Variants in KCNA6 observed in about 807,000 individuals in gnomAD.
KCNA6 encodes the protein human brain potassium channel-2.
KCNA6 carries 17 observed loss-of-function variants against 29.5 expected under a neutral mutation model. That is an observed-to-expected ratio of 0.58 (90% CI 0.39 to 0.86). The LOEUF is 0.86. KCNA6 is among the 40% of genes least tolerant of loss of function. KCNA6 has a pLI of 0.00. For synonymous variants in KCNA6, 296 were observed against 304.7 expected, an observed-to-expected ratio of 0.97 and a Z score of 0.30; for missense variants, 450 against 703.4, an observed-to-expected ratio of 0.64 and a Z score of 4.07.
chr12:4,816,780 TCC>T (rs1483271083), downstream of KCNA6, among the ~76,000 whole-genome samples: 1 of 152,190 alleles, frequency 6.6e-6, no homozygotes, highest in Admixed American at 6.5e-5. Context: ...CTTTGGTGCT[TCC>T]GGTAAACAAA....
chr12:4,810,625 C>T lies in KCNA6; in HGVS notation c.584C>T (p.Thr195Ile). The T allele has an allele frequency of 6.2e-7, 1 of 1,614,170 alleles. No homozygotes were observed. The highest frequency in any genetic ancestry group is 1.1e-5 in the South Asian group (1 of 91,068). ...TCCATAGTCATCTTTTGCCTGGAGA[C>T]CTTACCCCAGTTCCGTGTAGATGGT... is the stretch of plus-strand genomic sequence containing the variant. Residue 195 changes from threonine to isoleucine, a missense_variant, in exon 1 of 1, where the codon ACC (threonine) becomes ATC (isoleucine). By Grantham distance (89) the Thr-to-Ile change is moderately conservative. This residue lies in a region of KCNA6 where 133 missense variants were observed against 217.5 expected (regional missense o/e 0.61). Coordinates refer to ENST00000280684, the Ensembl canonical transcript of KCNA6. This position sits in a 1 kb window ranked among gnomAD's most constrained non-coding sequence, Gnocchi z 7.5.
chr12:4,827,221 CT>C, the KCNA6 span, among the ~76,000 whole-genome samples: 273 of 89,760 alleles, frequency 3.0e-3, no homozygotes, highest in African/African-American at 0.01. Context: ...TCCTTCCTTC[CT>C]TCCTTCCTCC....
the KCNA6 span, among the ~76,000 whole-genome samples, chr12:4,825,294 T>C: frequency 6.6e-6 from 1 of 152,210 alleles, no homozygotes; most frequent in Non-Finnish European, 1.5e-5. Flanking sequence ...AGGCACTATG[T>C]TTCAGAAATG....
At chr12:4,828,408 G>T in the KCNA6 span, among the ~76,000 whole-genome samples, 1 of 152,196 alleles carries the variant, frequency 6.6e-6, no homozygotes, top group Non-Finnish European at 1.5e-5. Flanking sequence ...TGGACGTTCA[G>T]GTTGCTTCTA....
the KCNA6 span, among the ~76,000 whole-genome samples, chr12:4,829,464 C>G: frequency 6.6e-6 from 1 of 152,248 alleles, no homozygotes; most frequent in Non-Finnish European, 1.5e-5. Flanking sequence ...TGCCAGGACC[C>G]CTTGAAATTT....
chr12:4,846,986 G>A, the KCNA6 span, among the ~76,000 whole-genome samples: 22 of 149,882 alleles, frequency 1.5e-4, no homozygotes, highest in East Asian at 1.2e-3. Flanking sequence ...GGGTTTCATC[G>A]TGTTAGCCAG....
the KCNA6 span, among the ~76,000 whole-genome samples, chr12:4,845,395 G>A: frequency 6.6e-6 from 1 of 152,308 alleles, no homozygotes; most frequent in African/African-American, 2.4e-5. Flanking sequence ...CTTGCTGCAA[G>A]AAGTCAACGC....
chr12:4,827,518 C>T, the KCNA6 span, among the ~76,000 whole-genome samples: 2 of 152,176 alleles, frequency 1.3e-5, no homozygotes, highest in African/African-American at 4.8e-5. Flanking sequence ...TCAGATTCCA[C>T]ACTAGAGGAA....
In KCNA6 at chr12:4,810,720, G is replaced by T; in HGVS notation, c.679G>T (p.Asp227Tyr). 2 of 1,613,366 alleles carry T rather than the reference G, an allele frequency of 1.2e-6. No individual in the cohort carries two copies. Among genetic ancestry groups the T allele is most frequent in the Non-Finnish European group, 1.7e-6 (2 of 1,179,572 alleles). Residue 227 changes from aspartate to tyrosine, a missense_variant, in exon 1 of 1, where the codon GAT becomes TAT. By Grantham distance (160) the Asp-to-Tyr change is radical (BLOSUM62 -3). Transcript: ENST00000280684. This position sits in a 1 kb window ranked among gnomAD's most constrained non-coding sequence, Gnocchi z 7.5. ...CAGGGGGAGTCAGGAGGAAGAGGAG[G>T]ATGAAGACGATTCCTACACATTTCA... is the stretch of plus-strand genomic sequence containing the variant.
chr12:4,811,742 C>G lies in KCNA6; in HGVS notation c.*111C>G. 1 of 1,257,064 alleles carries G rather than the reference C, an allele frequency of 8.0e-7. No individual in the cohort carries two copies. The highest frequency in any genetic ancestry group is 2.3e-5 in the East Asian group (1 of 42,638). 77.9% of individuals were successfully genotyped at this position (1,257,064 alleles called of 1,614,324 possible). A position where few individuals can be genotyped will look rare whatever the true frequency, so the allele number is the denominator to read the frequency against. ...TCAGTTGACTTCTTGACTCTCTCCC[C>G]TACACCCACTACCTGGCATCCAGGA... On this transcript the variant is annotated 3_prime_UTR_variant, in exon 1 of 1. Coordinates refer to ENST00000280684, the Ensembl canonical transcript of KCNA6. This position sits in a 1 kb window ranked among gnomAD's most constrained non-coding sequence, Gnocchi z 7.1.
rs769362242 is a variant in KCNA6, at chr12:4,811,181, C to A, written c.1140C>A (p.Ile380=). 2 of 1,614,136 alleles carry A rather than the reference C, an allele frequency of 1.2e-6. No homozygotes were observed. The highest frequency in any genetic ancestry group is 2.2e-5 in the South Asian group (2 of 91,090). ...CCATGAGGGAGCTGGGGCTGCTCAT[C>A]TTCTTCCTCTTCATCGGGGTCATCC... Residue 380 remains isoleucine (I), a synonymous_variant, in exon 1 of 1, where the codon ATC becomes ATA. Transcript: ENST00000280684. This position sits in a 1 kb window ranked among gnomAD's most constrained non-coding sequence, Gnocchi z 7.1.
chr12:4,822,174 C>T, the KCNA6 span, among the ~76,000 whole-genome samples: 1 of 152,040 alleles, frequency 6.6e-6, no homozygotes, highest in Admixed American at 6.6e-5. Flanking sequence ...CATGTTTTTT[C>T]ATAGGTGGGA....
Position 4,811,547 on chromosome 12 carries a change from C to G in KCNA6, c.1506C>G (p.Pro502=). ...ACGGACTTGGCAAGCCTGACTTCCCCGAGGCTAACCGGGAACGGAGACCCA... is the reference window on the plus strand; with the variant it reads ...ACGGACTTGGCAAGCCTGACTTCCCGGAGGCTAACCGGGAACGGAGACCCA... The change falls in exon 1 of 1, where the codon CCC becomes CCG. Residue 502 remains proline (P), a synonymous_variant. Coordinates refer to ENST00000280684, the Ensembl canonical transcript of KCNA6. This position sits in a 1 kb window ranked among gnomAD's most constrained non-coding sequence, Gnocchi z 7.1. 3 of 1,614,214 alleles carry G rather than the reference C, an allele frequency of 1.9e-6. No individual in the cohort carries two copies. The highest frequency in any genetic ancestry group is 1.7e-6 in the Non-Finnish European group (2 of 1,180,030).
rs916565314 is a variant in KCNA6 at position 4,811,891 on chromosome 12, T to C, written c.*260T>C. 1.2e-5 allele frequency: 6 copies of C among 505,888 alleles called. No individual in the cohort carries two copies. Among genetic ancestry groups the C allele is most frequent in the African/African-American group, 7.7e-5 (4 of 52,066 alleles). 31.3% of individuals were successfully genotyped at this position (505,888 alleles called of 1,614,324 possible). A position where few individuals can be genotyped will look rare whatever the true frequency, so the allele number is the denominator to read the frequency against. On this transcript the variant is annotated 3_prime_UTR_variant, in exon 1 of 1. Transcript: ENST00000280684. The surrounding 1 kb of genome is among the most constrained non-coding windows in gnomAD (Gnocchi z 7.1). ...TCATGCCCAGCTTCTGTCATATGAA[T>C]GAGATATACATTTATGTCTGACCTT...
At chr12:4,825,869 G>C in the KCNA6 span, among the ~76,000 whole-genome samples, 1 of 151,646 alleles carries the variant, frequency 6.6e-6, no homozygotes, top group East Asian at 1.9e-4. Flanking sequence ...GCCTTACACT[G>C]TAACAGCCAA....
chr12:4,849,087 C>CA, the KCNA6 span, among the ~76,000 whole-genome samples: 1 of 151,744 alleles, frequency 6.6e-6, no homozygotes, highest in African/African-American at 2.4e-5. Context: ...CCATTGCACC[C>CA]AGCCTGGCGA....
chr12:4,840,068 CAG>C, the KCNA6 span, among the ~76,000 whole-genome samples: 2 of 152,000 alleles, frequency 1.3e-5, no homozygotes, highest in African/African-American at 4.8e-5. Context: ...AAGAGGCAAA[CAG>C]AGAAAAGAAA....
chr12:4,818,826 G>A, the KCNA6 span, among the ~76,000 whole-genome samples: 5 of 147,716 alleles, frequency 3.4e-5, no homozygotes, highest in Admixed American at 6.8e-5. Flanking sequence ...TTCCCTATGG[G>A]TCCCTGAAAG....
At chr12:4,839,184 A>T in the KCNA6 span, 1 of 152,164 alleles carries the variant, frequency 6.6e-6, no homozygotes, top group East Asian at 1.9e-4. Context: ...AATGTAGTTG[A>T]CCTGTAAACA....
Sources: allele counts gnomAD v4.1 joint callset (sites outside exome capture counted in the v4.1 genomes callset), GRCh38; gene constraint gnomAD v4.1.1; regional missense constraint gnomAD v4.1.1; non-coding constraint Gnocchi (gnomAD v3.1); transcripts MANE v1.5; gene names NCBI Gene and HGNC (gene_info 2026-07-23, HGNC 2026-07-21).